Variants in EBF3 observed in about 807,000 individuals in gnomAD.
EBF3 encodes the protein EBF transcription factor 3.
EBF3 carries 18 observed loss-of-function variants against 77.1 expected under a neutral mutation model. The ratio of observed to expected loss-of-function variants is 0.23; its 90% confidence interval spans 0.16 to 0.35. The LOEUF is 0.35. EBF3 is among the 10% of genes least tolerant of loss of function. The pLI is 1.00. For synonymous variants in EBF3, 350 were observed against 343.5 expected, an observed-to-expected ratio of 1.02 and a Z score of -0.21; for missense variants, 558 against 860.0, an observed-to-expected ratio of 0.65 and a Z score of 4.39.
At position 129,841,044 on chromosome 10, in the gene EBF3, C is replaced by CCCAA. The variant is rs780396336; in HGVS notation, c.1373-13_1373-12insTTGG. 1.4e-5 allele frequency: 23 copies of CCCAA among 1,599,386 alleles called. No individual in the cohort carries two copies. Among genetic ancestry groups the CCCAA allele is most frequent in the Middle Eastern group, 1.9e-4 (1 of 5,316 alleles). On this transcript the variant is annotated splice_polypyrimidine_tract_variant and intron_variant, in intron 13 of 16. Transcript: ENST00000440978. The surrounding 1 kb of genome is among the most constrained non-coding windows in gnomAD (Gnocchi z 4.6). ...GCGACTGTAGCCGACTGTTGAAATC[C>CCCAA]CCCCCCCGGCCAAAAATAACATTAT...
At chr10:129,911,193 CG>C (rs1346830357) in intron 6 of EBF3, among the ~76,000 whole-genome samples, 1 of 152,202 alleles carries the variant, frequency 6.6e-6, no homozygotes, top group African/African-American at 2.4e-5. Flanking sequence ...CTCCAGCCCA[CG>C]GGTGGGCCAG....
chr10:129,840,904 G>C lies in EBF3; in HGVS notation c.1501C>G (p.Leu501Val). 1 of 1,614,164 alleles carries C rather than the reference G, an allele frequency of 6.2e-7. No individual in the cohort carries two copies. The part of the protein sequence containing the change: ...NGYGSGAMAS[L>V]GVPGSPGFLN... ...AATCCAGGCGAGCCAGGGACCCCTA[G>C]ACTGGCCATGGCGCCACTTCCATAT... The change falls in exon 14 of 17, where the codon CTA becomes GTA. Residue 501 changes from leucine (L) to valine (V), a missense_variant. Around this residue, in one of 5 missense-constraint regions of EBF3, gnomAD observed 284 missense variants for 368.3 expected, o/e 0.77. Coordinates refer to ENST00000440978, the MANE Select transcript of EBF3 (RefSeq NM_001375380.1).
chr10:129,940,504 T>C (rs1246880451), intron 6 of EBF3, among the ~76,000 whole-genome samples: 1 of 152,186 alleles, frequency 6.6e-6, no homozygotes, highest in Non-Finnish European at 1.5e-5. Context: ...CTGAGTGACC[T>C]CAAACAAGCT....
chr10:129,894,580 T>C (rs1169141117), intron 6 of EBF3, among the ~76,000 whole-genome samples: 3 of 152,120 alleles, frequency 2.0e-5, no homozygotes, highest in African/African-American at 7.2e-5. Flanking sequence ...GGAAGGAGGC[T>C]TTCTACTCTG....
At chr10:129,958,806 C>G (rs538265021) in intron 5 of EBF3, 128 bp downstream of exon 5, 99 of 1,290,600 alleles carry the variant, frequency 7.7e-5, no homozygotes, top group Non-Finnish European at 9.9e-5. Context: ...GGCCTCGGGC[C>G]GATTACATTT....
In EBF3 at chr10:129,878,839, A is replaced by AAAAAAAG. The variant is rs1554904694; in HGVS notation, c.555-991_555-990insCTTTTTT. On this transcript the variant is annotated intron_variant, in intron 6 of 16. Coordinates refer to ENST00000440978, the MANE Select transcript of EBF3 (RefSeq NM_001375380.1). Reference sequence around the variant, plus strand: ...AATCGGTCTCAAAAAAAAAAAAAAAAAAAAAAATCTAAGAACTGATTGGGA... The same window carrying AAAAAAAG: ...AATCGGTCTCAAAAAAAAAAAAAAAAAAAAAAGAAAAAAATCTAAGAACTGATTGGGA... Among the ~76,000 whole-genome samples, 222 of 146,924 alleles carry AAAAAAAG rather than the reference A, an allele frequency of 1.5e-3. 4 individuals carry two copies. The highest frequency in any genetic ancestry group is 2.7e-3 in the Non-Finnish European group (180 of 66,214).
At chr10:129,936,572 G>A (rs1226112753) in intron 6 of EBF3, among the ~76,000 whole-genome samples, 1 of 151,476 alleles carries the variant, frequency 6.6e-6, no homozygotes, top group Non-Finnish European at 1.5e-5. Flanking sequence ...GCTATGTGGG[G>A]AACCAGGGGC....
intron 10 of EBF3, among the ~76,000 whole-genome samples, chr10:129,856,222 A>T (rs1052115303): frequency 2.0e-5 from 3 of 152,242 alleles, no homozygotes; most frequent in African/African-American, 7.2e-5. Flanking sequence ...CACAGAAGGT[A>T]TCACATTTTC....
Position 129,863,256 on chromosome 10 carries a change from A to T in EBF3, c.1039+3885T>A, listed in dbSNP as rs886705249. The stretch of plus-strand genomic sequence containing the variant: ...CAAAGAACCAGTATGGAAGCGCTGG[A>T]CATGTCATTTGTGACTCATTCTTTT... On this transcript the variant is annotated intron_variant, in intron 10 of 16. Transcript: ENST00000440978. This position sits in a 1 kb window ranked among gnomAD's most constrained non-coding sequence, Gnocchi z 4.0. Among the ~76,000 whole-genome samples the T allele has an allele frequency of 2.0e-5, 3 of 152,230 alleles. No individual in the cohort carries two copies. Among genetic ancestry groups the T allele is most frequent in the African/African-American group, 7.2e-5 (3 of 41,460 alleles).
At chr10:129,924,430 C>CAAAAAAAAAAAAAA (rs956215243) in intron 6 of EBF3, among the ~76,000 whole-genome samples, 5 of 108,452 alleles carry the variant, frequency 4.6e-5, no homozygotes, top group Admixed American at 9.8e-5. Context: ...ACAACAACAA[C>CAAAAAAAAAAAAAA]AAAAAAAAAA....
Position 129,864,475 on chromosome 10 carries a change from A to G in EBF3, c.1039+2666T>C, listed in dbSNP as rs1014226236. Among the ~76,000 whole-genome samples the G allele has an allele frequency of 6.6e-6, 1 of 152,182 alleles. No individual in the cohort carries two copies. The highest frequency in any genetic ancestry group is 1.5e-5 in the Non-Finnish European group (1 of 68,028). On this transcript the variant is annotated intron_variant, in intron 10 of 16. Transcript: ENST00000440978. This position sits in a 1 kb window ranked among gnomAD's most constrained non-coding sequence, Gnocchi z 4.4. ...CAAAGAAAGGACTGGACCTTTCAGC[A>G]ATCTTCTTTCTTAAAAAAGTCTCAT...
chr10:129,879,878 G>A lies in EBF3; in HGVS notation c.555-2029C>T, dbSNP rs1313699212. On this transcript the variant is annotated intron_variant, in intron 6 of 16. Coordinates refer to ENST00000440978, the MANE Select transcript of EBF3 (RefSeq NM_001375380.1). The surrounding 1 kb of genome is among the most constrained non-coding windows in gnomAD (Gnocchi z 4.7). Reference sequence around the variant, plus strand: ...GTCAGGCAATTAGGTTTTCACTTCGGGGACAGCAACACGGTGCAATTACAC... The same window carrying A: ...GTCAGGCAATTAGGTTTTCACTTCGAGGACAGCAACACGGTGCAATTACAC... Among the ~76,000 whole-genome samples the A allele has an allele frequency of 1.3e-5, 2 of 152,078 alleles. No homozygotes were observed. The highest frequency in any genetic ancestry group is 3.8e-4 in the East Asian group (2 of 5,196).
chr10:129,920,991 T>C (rs1306093347), intron 6 of EBF3, among the ~76,000 whole-genome samples: 1 of 152,076 alleles, frequency 6.6e-6, no homozygotes, highest in Non-Finnish European at 1.5e-5. Flanking sequence ...CCCTCGGTGG[T>C]CTGGGGACAG....
At chr10:129,919,219 C>T (rs1189207753) in intron 6 of EBF3, among the ~76,000 whole-genome samples, 1 of 152,080 alleles carries the variant, frequency 6.6e-6, no homozygotes, top group Non-Finnish European at 1.5e-5. Flanking sequence ...CTCTGTGACT[C>T]GGAACATATC....
intron 14 of EBF3, 79 bp from the exon 15 acceptor site, chr10:129,840,521 G>C: frequency 6.8e-7 from 1 of 1,463,388 alleles, no homozygotes; most frequent in Non-Finnish European, 9.2e-7. Context: ...GCCTCGCCTC[G>C]GACGGGGGGG....
intron 6 of EBF3, among the ~76,000 whole-genome samples, chr10:129,916,836 A>G (rs1025627791): frequency 2.0e-5 from 3 of 152,200 alleles, no homozygotes; most frequent in Admixed American, 6.5e-5. Context: ...AGTGAGCAGG[A>G]CGAAGGTGCT....
At chr10:129,856,545 G>A (rs1056702391) in intron 10 of EBF3, among the ~76,000 whole-genome samples, 12 of 152,084 alleles carry the variant, frequency 7.9e-5, no homozygotes, top group Non-Finnish European at 1.6e-4. Context: ...ATAGGGAAAG[G>A]AGGTAGATTC....
Position 129,944,470 on chromosome 10 carries a change from T to C in EBF3, c.554+12788A>G, listed in dbSNP as rs1858029537. On this transcript the variant is annotated intron_variant, in intron 6 of 16. Transcript: ENST00000440978. This position sits in a 1 kb window ranked among gnomAD's most constrained non-coding sequence, Gnocchi z 5.1. ...CAGAAGTTTTTAATCATAAGGTAAA[T>C]CAAGACCTGGAACATAAGTCAGATG... Among the ~76,000 whole-genome samples the C allele has an allele frequency of 6.6e-6, 1 of 152,192 alleles. No individual in the cohort carries two copies.
chr10:129,839,007 C>T (rs540129533), intron 16 of EBF3, 76 bp downstream of exon 16: 4 of 1,262,200 alleles, frequency 3.2e-6, no homozygotes, highest in African/African-American at 1.5e-5. Flanking sequence ...GGCCAGTCGG[C>T]GGCACTTCGG....
Sources: allele counts gnomAD v4.1 joint callset (sites outside exome capture counted in the v4.1 genomes callset), GRCh38; gene constraint gnomAD v4.1.1; regional missense constraint gnomAD v4.1.1; non-coding constraint Gnocchi (gnomAD v3.1); transcripts MANE v1.5; gene names NCBI Gene and HGNC (gene_info 2026-07-23, HGNC 2026-07-21).